PPP2R3A: variants seen among roughly 807,000 people sequenced by gnomAD.
PPP2R3A encodes the protein protein phosphatase 2 regulatory subunit B''alpha.
PPP2R3A carries 80 observed loss-of-function variants against 106.9 expected under a neutral mutation model. The ratio of observed to expected loss-of-function variants is 0.75; its 90% CI spans 0.62 to 0.90. The LOEUF is 0.90. Among genes scored for constraint, PPP2R3A ranks in the 40% least tolerant of loss-of-function variants. PPP2R3A has a pLI of 0.00. For synonymous variants in PPP2R3A, 483 were observed against 468.3 expected, an observed-to-expected ratio of 1.03 and a Z score of -0.41; for missense variants, 1,386 against 1,350.4, an observed-to-expected ratio of 1.03 and a Z score of -0.41.
chr3:136,025,345 G>A (rs939743046), intron 2 of PPP2R3A, among the ~76,000 whole-genome samples: 14 of 151,938 alleles, frequency 9.2e-5, no homozygotes, highest in African/African-American at 3.4e-4. Flanking sequence ...CCTTTGTTCT[G>A]TTTCTTCCTT....
At chr3:136,115,646 A>G (rs561849316) in intron 13 of PPP2R3A, among the ~76,000 whole-genome samples, 44 of 151,868 alleles carry the variant, frequency 2.9e-4, no homozygotes, top group African/African-American at 9.4e-4. Flanking sequence ...AAGAAAGGAT[A>G]TCAGACATTG....
intron 1 of PPP2R3A, among the ~76,000 whole-genome samples, chr3:135,990,250 AG>A (rs1336199076): frequency 1.3e-5 from 2 of 152,088 alleles, no homozygotes; most frequent in African/African-American, 4.8e-5. Context: ...CTTTTACAAT[AG>A]GTTCTTGGCC....
intron 3 of PPP2R3A, among the ~76,000 whole-genome samples, chr3:136,030,776 ATATATGTATGTATGTATG>A (rs1227396515): frequency 1.9e-4 from 24 of 124,442 alleles, no homozygotes; most frequent in Admixed American, 1.2e-3. Flanking sequence ...ATATATATAT[ATATATGTATGTATGTATG>A]TATGTATGTA....
At chr3:136,065,542 T>G (rs1936238931) in intron 5 of PPP2R3A, among the ~76,000 whole-genome samples, 2 of 152,152 alleles carry the variant, frequency 1.3e-5, no homozygotes, top group African/African-American at 4.8e-5. Flanking sequence ...GTCCCAGTAA[T>G]GATCAGAAAT....
intron 8 of PPP2R3A, among the ~76,000 whole-genome samples, chr3:136,084,965 G>T (rs1936884465): frequency 6.6e-6 from 1 of 152,212 alleles, no homozygotes; most frequent in Admixed American, 6.5e-5. Flanking sequence ...GTGGAAGGAA[G>T]TTGGGTTGTC....
intron 2 of PPP2R3A, among the ~76,000 whole-genome samples, chr3:136,010,690 TGCTGG>T (rs1365361249): frequency 9.2e-5 from 14 of 151,930 alleles, no homozygotes; most frequent in African/African-American, 3.4e-4. Context: ...CCTCCCAGAG[TGCTGG>T]GATTACAGGC....
At chr3:136,035,738 T>G (rs907066876) in intron 3 of PPP2R3A, among the ~76,000 whole-genome samples, 9 of 152,180 alleles carry the variant, frequency 5.9e-5, no homozygotes, top group African/African-American at 1.9e-4. Flanking sequence ...TTCCCAGATG[T>G]TCTTTGTGCT....
At chr3:135,968,901 G>A (rs1189207076) in intron 1 of PPP2R3A, among the ~76,000 whole-genome samples, 2 of 152,098 alleles carry the variant, frequency 1.3e-5, no homozygotes, top group Non-Finnish European at 2.9e-5. Flanking sequence ...TTTTTTGAAT[G>A]ACTGTACAGT....
At chr3:136,117,208 T>A (rs1937800359) in intron 13 of PPP2R3A, among the ~76,000 whole-genome samples, 1 of 152,154 alleles carries the variant, frequency 6.6e-6, no homozygotes, top group South Asian at 2.1e-4. Context: ...AGACACAAAG[T>A]ACCAGAATCT....
intron 1 of PPP2R3A, among the ~76,000 whole-genome samples, chr3:135,990,591 A>T (rs763576507): frequency 7.9e-5 from 12 of 152,204 alleles, no homozygotes; most frequent in Non-Finnish European, 1.2e-4. Flanking sequence ...AATAAATTTC[A>T]GATTTCTTGT....
chr3:136,068,340 A>AT (rs889581909), intron 5 of PPP2R3A, among the ~76,000 whole-genome samples: 2 of 151,620 alleles, frequency 1.3e-5, no homozygotes, highest in Non-Finnish European at 2.9e-5. Flanking sequence ...ATAAATACCC[A>AT]TGAGTCTGCG....
intron 1 of PPP2R3A, among the ~76,000 whole-genome samples, chr3:135,985,514 C>T (rs1189065914): frequency 6.6e-6 from 1 of 152,148 alleles, no homozygotes; most frequent in African/African-American, 2.4e-5. Context: ...GTTCCCTCCT[C>T]CTTGCTGTTT....
intron 5 of PPP2R3A, among the ~76,000 whole-genome samples, chr3:136,049,964 C>G (rs1297276238): frequency 6.6e-6 from 1 of 152,058 alleles, no homozygotes; most frequent in Non-Finnish European, 1.5e-5. Flanking sequence ...CAGACTACAC[C>G]ACCAGACTAC....
chr3:136,081,183 G>C (rs1049207904), intron 7 of PPP2R3A, among the ~76,000 whole-genome samples: 3 of 151,868 alleles, frequency 2.0e-5, no homozygotes, highest in Non-Finnish European at 4.4e-5. Flanking sequence ...AGTAGAGACG[G>C]GGTTTCACCA....
chr3:136,052,387 C>T (rs1227849817), intron 5 of PPP2R3A, among the ~76,000 whole-genome samples: 1 of 152,162 alleles, frequency 6.6e-6, no homozygotes, highest in Non-Finnish European at 1.5e-5. Context: ...ACAGCTTCTG[C>T]TGGACAGCCC....
intron 13 of PPP2R3A, among the ~76,000 whole-genome samples, chr3:136,144,281 A>T (rs1939007625): frequency 6.6e-6 from 1 of 152,240 alleles, no homozygotes; most frequent in Non-Finnish European, 1.5e-5. Context: ...AATGCACTTT[A>T]GTCAGTTCAA....
At chr3:136,136,765 T>C (rs1008079610) in intron 13 of PPP2R3A, among the ~76,000 whole-genome samples, 7 of 152,120 alleles carry the variant, frequency 4.6e-5, no homozygotes, top group Non-Finnish European at 1.0e-4. Flanking sequence ...CAACTTAAAA[T>C]CCTCCACCTA....
At chr3:136,122,227 G>A (rs919241264) in intron 13 of PPP2R3A, among the ~76,000 whole-genome samples, 19 of 152,220 alleles carry the variant, frequency 1.2e-4, no homozygotes, top group Admixed American at 4.6e-4. Context: ...AAGCTGAGGC[G>A]GAAGGATCAC....
intron 12 of PPP2R3A, among the ~76,000 whole-genome samples, chr3:136,105,972 A>T (rs1937505899): frequency 6.6e-6 from 1 of 152,144 alleles, no homozygotes; most frequent in South Asian, 2.1e-4. Flanking sequence ...AAAGAAAAAA[A>T]AAGAAAAAAG....
Sources: gnomAD v4.1 joint callset for allele counts (sites outside exome capture counted in the v4.1 genomes callset) on GRCh38, gnomAD v4.1.1 for gene constraint, MANE v1.5 for transcripts, NCBI Gene and HGNC (gene_info 2026-07-23, HGNC 2026-07-21) for gene names.